TTLL5: variants seen among roughly 807,000 people sequenced by gnomAD.
TTLL5 encodes the protein tubulin tyrosine ligase like 5.
A neutral mutation model predicts 168.4 loss-of-function variants in TTLL5; 132 were observed. The ratio of observed to expected loss-of-function variants is 0.78; its 90% CI spans 0.68 to 0.91. The LOEUF (loss-of-function observed/expected upper bound fraction) is 0.91. Ranked by LOEUF, TTLL5 falls within the 40% of genes least tolerant of loss-of-function variation. The probability of loss-of-function intolerance (pLI) is 0.00; values close to 1 mark genes in which losing one functional copy is unlikely to be tolerated. For synonymous variants in TTLL5, 546 were observed against 558.6 expected (o/e 0.98, Z 0.32); for missense variants, 1,545 against 1,581.5 (o/e 0.98, Z 0.39).
chr14:75,886,844 C>T (rs1478648720), intron 30 of TTLL5: 94 of 1,526,742 alleles, frequency 6.2e-5, no homozygotes, highest in Non-Finnish European at 7.3e-5. Context: ...GAATCATACT[C>T]TCCAGGAAAT....
chr14:75,738,480 C>T (rs1889046781), intron 15 of TTLL5, among the ~76,000 whole-genome samples: 1 of 152,008 alleles, frequency 6.6e-6, no homozygotes, highest in African/African-American at 2.4e-5. Context: ...TATGTGAATC[C>T]AAGAAATGAA....
chr14:75,850,907 C>T (rs1323432242), intron 28 of TTLL5, among the ~76,000 whole-genome samples: 2 of 151,958 alleles, frequency 1.3e-5, no homozygotes, highest in South Asian at 2.1e-4. Context: ...CCAGCCTGGG[C>T]AACGTAGTGA....
At chr14:75,742,060 C>T (rs1889307654) in intron 15 of TTLL5, among the ~76,000 whole-genome samples, 1 of 152,100 alleles carries the variant, frequency 6.6e-6, no homozygotes. Context: ...GATTTGACCC[C>T]TGTTCTTTTA....
intron 28 of TTLL5, among the ~76,000 whole-genome samples, chr14:75,849,532 G>A (rs1001754593): frequency 2.0e-5 from 3 of 152,212 alleles, no homozygotes; most frequent in East Asian, 1.9e-4. Flanking sequence ...ACTGGTAATT[G>A]AGATGTCAGT....
At chr14:75,695,704 G>A (rs1040090281) in intron 6 of TTLL5, among the ~76,000 whole-genome samples, 12 of 152,036 alleles carry the variant, frequency 7.9e-5, no homozygotes, top group African/African-American at 2.9e-4. Flanking sequence ...TATTGGGGGT[G>A]GTTCCCCCGA....
chr14:75,857,323 A>C (rs190665689), intron 28 of TTLL5, among the ~76,000 whole-genome samples: 4 of 152,006 alleles, frequency 2.6e-5, no homozygotes, highest in African/African-American at 9.7e-5. Flanking sequence ...TTGCATTCCT[A>C]TGGTAAATGC....
At position 75,937,271 on chromosome 14, in the gene TTLL5, C is replaced by T. The variant is rs185398636; in HGVS notation, c.3824-17153C>T. 5.7e-3 allele frequency among the ~76,000 whole-genome samples: 863 copies of T among 151,928 alleles called. 8 individuals are homozygous for T. The highest frequency in any genetic ancestry group is 0.019 in the African/African-American group (805 of 41,386). The stretch of plus-strand genomic sequence containing the variant: ...AGCTGGGTTTACAGGCATGCACCAC[C>T]ACGTCCAGCTAATTTTTTTTTTTTT... On this transcript the variant is annotated intron_variant, in intron 31 of 31. Transcript: ENST00000298832.
chr14:75,899,957 TA>T (rs1238975441), intron 30 of TTLL5, among the ~76,000 whole-genome samples: 4 of 110,652 alleles, frequency 3.6e-5, no homozygotes, highest in Non-Finnish European at 5.6e-5. Flanking sequence ...TTTTTTTTTT[TA>T]AACCACTAAT....
rs1176360188 is a variant in TTLL5 at position 75,820,009 on chromosome 14, A to G, written c.3174A>G (p.Val1058=). 1.3e-6 allele frequency: 2 copies of G among 1,595,620 alleles called. No homozygotes were observed. Among genetic ancestry groups the G allele is most frequent in the Admixed American group, 3.6e-5 (2 of 56,170 alleles). The change falls in exon 28 of 32, where the codon GTA becomes GTG. Residue 1058 remains valine (V), a splice_region_variant and synonymous_variant. Transcript: ENST00000298832. ...TATTTCCCTCGCTTTATTTCTAGGT[A>G]ACAAACCTGAATTTGGCAACTGGCA... ...SSHINLLTQQ[V]TNLNLATGII...
At chr14:75,862,695 C>T (rs1275209518) in intron 28 of TTLL5, among the ~76,000 whole-genome samples, 11 of 152,258 alleles carry the variant, frequency 7.2e-5, no homozygotes, top group Non-Finnish European at 7.4e-5. Context: ...AATCCAAGCA[C>T]TTTGGGAGGC....
chr14:75,927,275 A>G (rs2034105245), intron 31 of TTLL5, among the ~76,000 whole-genome samples: 1 of 152,216 alleles, frequency 6.6e-6, no homozygotes, highest in South Asian at 2.1e-4. Flanking sequence ...CTATTTTATA[A>G]CATACAATTA....
chr14:75,836,805 C>T (rs1329247064), intron 28 of TTLL5, among the ~76,000 whole-genome samples: 1 of 152,126 alleles, frequency 6.6e-6, no homozygotes, highest in Non-Finnish European at 1.5e-5. Flanking sequence ...AAGCCTCTTT[C>T]CCAAGACTTT....
intron 29 of TTLL5, among the ~76,000 whole-genome samples, chr14:75,875,687 G>A (rs959635715): frequency 1.3e-5 from 2 of 152,100 alleles, no homozygotes; most frequent in Admixed American, 6.5e-5. Context: ...ATTAAAAACA[G>A]CAGTCTAGGT....
chr14:75,939,112 G>A (rs1453334065), intron 31 of TTLL5, among the ~76,000 whole-genome samples: 1 of 152,160 alleles, frequency 6.6e-6, no homozygotes, highest in Admixed American at 6.5e-5. Flanking sequence ...GCTTTCATTT[G>A]TTTTACCGTA....
chr14:75,713,448 C>T (rs954401056), intron 9 of TTLL5, among the ~76,000 whole-genome samples: 2 of 152,148 alleles, frequency 1.3e-5, no homozygotes. Context: ...GTTCACACAA[C>T]GATGAAATTG....
chr14:75,918,080 G>A (rs1007887633), intron 31 of TTLL5, among the ~76,000 whole-genome samples: 20 of 152,052 alleles, frequency 1.3e-4, no homozygotes, highest in Non-Finnish European at 2.6e-4. Context: ...TGTTCCTACC[G>A]GCATTGTGTC....
chr14:75,664,499 T>C (rs1883107603), intron 2 of TTLL5, among the ~76,000 whole-genome samples: 1 of 152,264 alleles, frequency 6.6e-6, no homozygotes, highest in African/African-American at 2.4e-5. Flanking sequence ...GTGAAATTAC[T>C]TTGTAAGTGC....
At chr14:75,723,751 C>A (rs1185896672) in intron 12 of TTLL5, among the ~76,000 whole-genome samples, 1 of 152,120 alleles carries the variant, frequency 6.6e-6, no homozygotes, top group African/African-American at 2.4e-5. Context: ...AAGTCCATTT[C>A]ATCAGCCATG....
chr14:75,893,129 T>C (rs774807320), intron 30 of TTLL5, among the ~76,000 whole-genome samples: 1 of 152,216 alleles, frequency 6.6e-6, no homozygotes, highest in Non-Finnish European at 1.5e-5. Context: ...TGTTAGATCA[T>C]GTGTCTAATA....
Sources: gnomAD v4.1 joint callset for allele counts (sites outside exome capture counted in the v4.1 genomes callset) on GRCh38, gnomAD v4.1.1 for gene constraint, MANE v1.5 for transcripts, NCBI Gene and HGNC (gene_info 2026-07-23, HGNC 2026-07-21) for gene names.